ISX: variants seen among roughly 807,000 people sequenced by gnomAD.
ISX encodes the protein intestine-specific homeobox.
In ISX, 15 loss-of-function variants were observed where a neutral mutation model predicts 16.9. The observed-to-expected ratio is 0.89, with a 90% CI of 0.59 to 1.36. The LOEUF (loss-of-function observed/expected upper bound fraction) is 1.36, where lower values mean the gene tolerates loss of function less well. Among genes scored for constraint, ISX ranks in the 40% most tolerant of loss-of-function variants. The pLI is 0.00. For missense variants in ISX, 316 were observed against 306.1 expected (o/e 1.03, Z -0.24); for synonymous variants, 125 against 119.7 (o/e 1.04, Z -0.29).
intron 2 of ISX, among the ~76,000 whole-genome samples, chr22:35,080,500 T>C (rs1015544557): frequency 6.6e-6 from 1 of 152,170 alleles, no homozygotes; most frequent in African/African-American, 2.4e-5. Context: ...CTGGTTTATC[T>C]CAGCCAAAAG....
Position 35,084,398 on chromosome 22 carries a change from C to T in ISX, c.397C>T (p.Gln133Ter), listed in dbSNP as rs1171035532. ...EARVQIWFQNQRAKWRKQEKI... is the reference protein window; with the variant it reads ...EARVQIWFQN The stretch of plus-strand genomic sequence containing the variant: ...CTGATTACAGATCTGGTTCCAGAAT[C>T]AGCGAGCCAAGTGGCGGAAGCAGGA... The change falls in exon 4 of 5, where the codon CAG (glutamine) becomes TAG (stop). Residue 133 changes from glutamine (Q) to a stop codon, truncating the protein, a stop_gained. Transcript: ENST00000404699. LOFTEE classifies it high-confidence loss of function. 3 of 1,613,738 alleles carry T rather than the reference C, an allele frequency of 1.9e-6. No homozygotes were observed. Among genetic ancestry groups the T allele is most frequent in the East Asian group, 2.2e-5 (1 of 44,876 alleles).
chr22:35,078,571 A>G (rs1194203841), intron 2 of ISX, among the ~76,000 whole-genome samples: 1 of 152,212 alleles, frequency 6.6e-6, no homozygotes, highest in Non-Finnish European at 1.5e-5. Context: ...TCACAGGCCA[A>G]TAACTCACTC....
At position 35,067,158 on chromosome 22, in the gene ISX, CG is replaced by C; in HGVS notation, c.72del (p.Lys25ArgfsTer3). 6.2e-7 allele frequency: 1 copy of C among 1,613,572 alleles called. No individual in the cohort carries two copies. The highest frequency in any genetic ancestry group is 1.1e-5 in the South Asian group (1 of 90,992). On this transcript the variant is annotated frameshift_variant, in exon 2 of 5. Coordinates refer to ENST00000404699, the MANE Select transcript of ISX (RefSeq NM_001303508.2). LOFTEE classifies it high-confidence loss of function. Reference protein sequence around the residue: ...ERNSLGCCEAPKKLSLSFSIE... With the variant: ...ERNSLGCCEAXKKLSLSFSIE... ...AATAGCTTGGGGTGCTGTGAGGCCCCGAAGAAGCTGAGCCTGTCCTTCTCCA... is the reference window on the plus strand; with the variant it reads ...AATAGCTTGGGGTGCTGTGAGGCCCCAAGAAGCTGAGCCTGTCCTTCTCCA...
intron 2 of ISX, among the ~76,000 whole-genome samples, chr22:35,069,459 G>A (rs1379143101): frequency 6.6e-6 from 1 of 152,164 alleles, no homozygotes; most frequent in Non-Finnish European, 1.5e-5. Flanking sequence ...CCTGTAACAT[G>A]AAAGAGCAGG....
intron 2 of ISX, among the ~76,000 whole-genome samples, chr22:35,081,176 G>C (rs1406845376): frequency 1.3e-5 from 2 of 152,238 alleles, no homozygotes; most frequent in East Asian, 3.8e-4. Flanking sequence ...AGAATCAGCA[G>C]ATGTTAGAAT....
chr22:35,068,593 C>T (rs1362158334), intron 2 of ISX, among the ~76,000 whole-genome samples: 1 of 152,220 alleles, frequency 6.6e-6, no homozygotes, highest in East Asian at 1.9e-4. Context: ...TATGATCACC[C>T]TGTGTCATGA....
rs1929247353 is a variant in ISX, at chr22:35,086,014, A to G, written c.*321A>G. 2.5e-6 allele frequency: 1 copy of G among 394,198 alleles called. No homozygotes were observed. The highest frequency in any genetic ancestry group is 4.8e-6 in the Non-Finnish European group (1 of 209,034). The allele number at this position is 394,198 out of a possible 1,614,324, so 24.4% of individuals were successfully genotyped here. Reference sequence around the variant, plus strand: ...TCCTCTAACTTGCTGTGTGACCTCCAGCCGGTCACTCACCCTCTCTGGACC... The same window carrying G: ...TCCTCTAACTTGCTGTGTGACCTCCGGCCGGTCACTCACCCTCTCTGGACC... On this transcript the variant is annotated 3_prime_UTR_variant, in exon 5 of 5. Transcript: ENST00000404699.
rs914257716 is a variant in ISX, at chr22:35,066,826, A to C, written c.-262A>C. 3 of 433,386 alleles carry C rather than the reference A, an allele frequency of 6.9e-6. No individual in the cohort carries two copies. In the Admixed American group the frequency reaches 1.1e-4, roughly 16 times the overall value. The allele number at this position is 433,386 out of a possible 1,614,324, so 26.8% of individuals were successfully genotyped here. On this transcript the variant is annotated 5_prime_UTR_variant, in exon 2 of 5. Transcript: ENST00000404699. The stretch of plus-strand genomic sequence containing the variant: ...CCCTTCTCTGGAAGATTGAACCCCA[A>C]TTCAGCCATGGTGACTCCTTTGATG...
chr22:35,067,392 C>T, intron 2 of ISX, 76 bp downstream of exon 2: 1 of 1,035,678 alleles, frequency 9.7e-7, no homozygotes, highest in South Asian at 1.6e-5. Flanking sequence ...GAAAAAGCTT[C>T]TCCGTCCATA....
At chr22:35,079,535 G>T (rs1450174951) in intron 2 of ISX, among the ~76,000 whole-genome samples, 1 of 152,132 alleles carries the variant, frequency 6.6e-6, no homozygotes, top group African/African-American at 2.4e-5. Flanking sequence ...CCCTCCAGGG[G>T]CTCACAGCCT....
intron 2 of ISX, 99 bp from the exon 3 acceptor site, chr22:35,082,419 G>C (rs1301927726): frequency 8.6e-7 from 1 of 1,159,426 alleles, no homozygotes; most frequent in Non-Finnish European, 1.2e-6. Flanking sequence ...AGGCTCGGGA[G>C]CAGCAGTGGG....
At chr22:35,082,383 C>A (rs1251115879) in intron 2 of ISX, 135 bp from the exon 3 acceptor site, 1 of 793,446 alleles carries the variant, frequency 1.3e-6, no homozygotes, top group Non-Finnish European at 2.0e-6. Context: ...TACTGTGAAG[C>A]TCCAAGCTCA....
At chr22:35,068,720 G>A (rs984554893) in intron 2 of ISX, among the ~76,000 whole-genome samples, 4 of 152,140 alleles carry the variant, frequency 2.6e-5, no homozygotes, top group Non-Finnish European at 4.4e-5. Flanking sequence ...GGCATGTTCC[G>A]TGTCAGCTAT....
intron 2 of ISX, among the ~76,000 whole-genome samples, chr22:35,072,795 T>C (rs1227168233): frequency 6.6e-6 from 1 of 152,216 alleles, no homozygotes; most frequent in African/African-American, 2.4e-5. Context: ...CTTAAAATAA[T>C]AAATATTTAT....
chr22:35,072,360 A>G (rs1928876806), intron 2 of ISX, among the ~76,000 whole-genome samples: 2 of 152,240 alleles, frequency 1.3e-5, no homozygotes, highest in Admixed American at 1.3e-4. Flanking sequence ...TGGGACATGC[A>G]AGGAAGTAGT....
Position 35,067,151 on chromosome 22 carries a change from G to T in ISX, c.64G>T (p.Glu22Ter). ...GMERNSLGCC[E>*]APKKLSLSFS... is the part of the protein sequence containing the mutation. ...GGAGAGAAATAGCTTGGGGTGCTGT[G>T]AGGCCCCGAAGAAGCTGAGCCTGTC... Residue 22 changes from glutamate (E) to a stop codon, truncating the protein, a stop_gained, in exon 2 of 5, where the codon GAG (glutamate) becomes TAG (stop). Transcript: ENST00000404699. LOFTEE classifies it high-confidence loss of function. The T allele has an allele frequency of 6.2e-7, 1 of 1,614,042 alleles. No homozygotes were observed. Among genetic ancestry groups the T allele is most frequent in the South Asian group, 1.1e-5 (1 of 91,048 alleles).
chr22:35,070,264 A>G (rs1928814655), intron 2 of ISX, among the ~76,000 whole-genome samples: 1 of 152,194 alleles, frequency 6.6e-6, no homozygotes, highest in Admixed American at 6.5e-5. Context: ...TCAATGGGAA[A>G]ATCCAAGAGG....
chr22:35,078,467 T>TA lies in ISX; in HGVS notation c.230-4046dup, dbSNP rs372202245. Among the ~76,000 whole-genome samples, 319 of 151,932 alleles carry TA rather than the reference T, an allele frequency of 2.1e-3. 2 individuals carry two copies. Among genetic ancestry groups the TA allele is most frequent in the African/African-American group, 3.2e-3 (133 of 41,412 alleles). ...TAAACATAGAATAAATATCTTTTTTTAAAAACCCATGAAGTTAAAAAGGCA... is the reference window on the plus strand; with the variant it reads ...TAAACATAGAATAAATATCTTTTTTTAAAAAACCCATGAAGTTAAAAAGGCA... On this transcript the variant is annotated intron_variant, in intron 2 of 4. Coordinates refer to ENST00000404699, the MANE Select transcript of ISX (RefSeq NM_001303508.2).
rs1929240740 is a variant in ISX at position 35,085,774 on chromosome 22, G to A, written c.*81G>A. 1.3e-6 allele frequency: 2 copies of A among 1,580,528 alleles called. No homozygotes were observed. The highest frequency in any genetic ancestry group is 2.2e-5 in the East Asian group (1 of 44,578). On this transcript the variant is annotated 3_prime_UTR_variant, in exon 5 of 5. Coordinates refer to ENST00000404699, the MANE Select transcript of ISX (RefSeq NM_001303508.2). ...AGCAGATGTGCCCTGGGCCTCTGGG[G>A]AAATCGATTTCACAATCCAAAAATG...
Sources: allele counts gnomAD v4.1 joint callset (sites outside exome capture counted in the v4.1 genomes callset), GRCh38; gene constraint gnomAD v4.1.1; transcripts MANE v1.5; gene names NCBI Gene and HGNC (gene_info 2026-07-23, HGNC 2026-07-21).